Variants in SPAG16 observed in about 807,000 individuals in gnomAD.
SPAG16 encodes the protein sperm-associated antigen 16 protein.
Under a neutral mutation model 80.4 loss-of-function variants are expected in SPAG16, and 86 were observed. That is an observed-to-expected ratio of 1.07 (90% CI 0.90 to 1.28). SPAG16 has a LOEUF of 1.28. SPAG16 is among the 50% of genes most tolerant of loss of function. The pLI is 0.00. For missense variants in SPAG16, 870 were observed against 765.3 expected (o/e 1.14, Z -1.61); for synonymous variants, 294 against 265.9 (o/e 1.11, Z -1.03).
At chr2:213,703,513 C>T (rs901538986) in intron 10 of SPAG16, among the ~76,000 whole-genome samples, 4 of 152,122 alleles carry the variant, frequency 2.6e-5, no homozygotes, top group African/African-American at 4.8e-5. Context: ...ATATGGAACC[C>T]CAAGATAAAA....
chr2:213,391,848 G>A (rs539247822), intron 9 of SPAG16, among the ~76,000 whole-genome samples: 53 of 152,254 alleles, frequency 3.5e-4, no homozygotes, highest in African/African-American at 1.1e-3. Flanking sequence ...CTGATTGTGA[G>A]TATAGTTTCC....
chr2:213,544,117 T>A (rs1317902041), intron 10 of SPAG16, among the ~76,000 whole-genome samples: 1 of 151,756 alleles, frequency 6.6e-6, no homozygotes. Flanking sequence ...ATTTTTTTTT[T>A]ATCACTTTCT....
chr2:214,337,454 GA>G (rs1697378914), intron 15 of SPAG16, among the ~76,000 whole-genome samples: 1 of 152,186 alleles, frequency 6.6e-6, no homozygotes, highest in Non-Finnish European at 1.5e-5. Context: ...GGCTGTTTCT[GA>G]ATCACAGCTG....
chr2:213,539,941 T>C (rs928080753), intron 10 of SPAG16, among the ~76,000 whole-genome samples: 1 of 152,228 alleles, frequency 6.6e-6, no homozygotes, highest in East Asian at 1.9e-4. Flanking sequence ...TTGTGTGTTG[T>C]AATCGCCTTG....
intron 9 of SPAG16, among the ~76,000 whole-genome samples, chr2:213,420,986 A>G (rs1011990246): frequency 6.6e-5 from 10 of 152,344 alleles, no homozygotes; most frequent in Middle Eastern, 3.4e-3. Flanking sequence ...AGGTGTGGCC[A>G]GGGCTGCAGG....
chr2:213,553,460 C>T (rs1470436717), intron 10 of SPAG16, among the ~76,000 whole-genome samples: 3 of 152,166 alleles, frequency 2.0e-5, no homozygotes, highest in African/African-American at 7.2e-5. Flanking sequence ...CCACAGAGAA[C>T]ACAGGCATCT....
intron 9 of SPAG16, among the ~76,000 whole-genome samples, chr2:213,415,782 G>A (rs2069220639): frequency 6.6e-6 from 1 of 152,152 alleles, no homozygotes; most frequent in African/African-American, 2.4e-5. Flanking sequence ...AAAGCTGCTT[G>A]GTTAACTGTC....
At chr2:213,608,980 G>T (rs2061357354) in intron 10 of SPAG16, among the ~76,000 whole-genome samples, 1 of 152,202 alleles carries the variant, frequency 6.6e-6, no homozygotes, top group Non-Finnish European at 1.5e-5. Context: ...ATCGCACCCA[G>T]CTGGGTATTG....
chr2:213,777,458 G>C (rs968466339), intron 10 of SPAG16, among the ~76,000 whole-genome samples: 5 of 151,656 alleles, frequency 3.3e-5, no homozygotes, highest in African/African-American at 4.8e-5. Flanking sequence ...CCAGGCTGGA[G>C]TGCAGTGGCG....
intron 12 of SPAG16, among the ~76,000 whole-genome samples, chr2:214,012,420 C>T (rs569963313): frequency 4.5e-4 from 67 of 150,486 alleles, no homozygotes; most frequent in South Asian, 1.1e-3. Context: ...TTCAGCCTCC[C>T]GAGTAGCTGG....
chr2:213,615,202 G>A (rs1285149988), intron 10 of SPAG16, among the ~76,000 whole-genome samples: 1 of 152,232 alleles, frequency 6.6e-6, no homozygotes, highest in East Asian at 1.9e-4. Context: ...TGTCTTGCCA[G>A]ATGATAAAAA....
chr2:213,845,448 G>A (rs1298376161), intron 10 of SPAG16, among the ~76,000 whole-genome samples: 1 of 151,908 alleles, frequency 6.6e-6, no homozygotes, highest in East Asian at 1.9e-4. Context: ...CACCCTCTTC[G>A]GCCTCCCAAA....
At chr2:213,423,791 G>A (rs964533657) in intron 9 of SPAG16, among the ~76,000 whole-genome samples, 22 of 152,094 alleles carry the variant, frequency 1.4e-4, no homozygotes, top group African/African-American at 4.6e-4. Flanking sequence ...CATTCAGTCC[G>A]TCTGTGTCTA....
At chr2:213,661,941 G>C (rs1441859639) in intron 10 of SPAG16, among the ~76,000 whole-genome samples, 1 of 152,060 alleles carries the variant, frequency 6.6e-6, no homozygotes, top group African/African-American at 2.4e-5. Context: ...CTGATGTTCT[G>C]CTAACAGAAT....
chr2:214,320,143 ATTC>A (rs1695997256), intron 15 of SPAG16, among the ~76,000 whole-genome samples: 1 of 152,032 alleles, frequency 6.6e-6, no homozygotes, highest in Non-Finnish European at 1.5e-5. Context: ...CTAACCCTAA[ATTC>A]TTCTATCTAG....
At chr2:214,106,692 C>A (rs2053401056) in intron 13 of SPAG16, among the ~76,000 whole-genome samples, 2 of 152,052 alleles carry the variant, frequency 1.3e-5, no homozygotes, top group Admixed American at 6.6e-5. Flanking sequence ...GCTCATTTTG[C>A]AATCTCTTCT....
At chr2:213,414,406 TA>T (rs1396470119) in intron 9 of SPAG16, among the ~76,000 whole-genome samples, 1 of 152,218 alleles carries the variant, frequency 6.6e-6, no homozygotes. Flanking sequence ...AGAATATTTA[TA>T]AATCTCTGTT....
chr2:213,715,242 A>ATCTG (rs1486448065), intron 10 of SPAG16, among the ~76,000 whole-genome samples: 1 of 147,672 alleles, frequency 6.8e-6, no homozygotes, highest in African/African-American at 2.5e-5. Context: ...CTATCTATCT[A>ATCTG]TCTATCTATC....
intron 10 of SPAG16, among the ~76,000 whole-genome samples, chr2:213,762,083 G>C (rs928896422): frequency 6.6e-6 from 1 of 151,902 alleles, no homozygotes; most frequent in Non-Finnish European, 1.5e-5. Flanking sequence ...CACATTAAGA[G>C]AACAAAGAAG....
Sources: gnomAD v4.1 joint callset for allele counts (sites outside exome capture counted in the v4.1 genomes callset) on GRCh38, gnomAD v4.1.1 for gene constraint, MANE v1.5 for transcripts, NCBI Gene and HGNC (gene_info 2026-07-23, HGNC 2026-07-21) for gene names.